POFUT3: variants seen among roughly 807,000 people sequenced by gnomAD.
The protein encoded by POFUT3 is GDP-fucose protein O-fucosyltransferase 3.
the POFUT3 span, among the ~76,000 whole-genome samples, chr8:33,437,763 A>T: frequency 6.6e-6 from 1 of 152,164 alleles, no homozygotes; most frequent in South Asian, 2.1e-4. Flanking sequence ...GTAAGCCAAG[A>T]TCATCCGCTG....
chr8:33,326,111 T>C, the POFUT3 span, among the ~76,000 whole-genome samples: 1 of 152,170 alleles, frequency 6.6e-6, no homozygotes, highest in Admixed American at 6.5e-5. Context: ...AATTACCTCA[T>C]CTTTTCCCCT....
the POFUT3 span, chr8:33,372,872 C>A: frequency 1.4e-6 from 2 of 1,427,654 alleles, no homozygotes; most frequent in Non-Finnish European, 1.9e-6. Context: ...CTTAAAGCAA[C>A]AGACTTTCCT....
the POFUT3 span, among the ~76,000 whole-genome samples, chr8:33,464,069 C>G: frequency 1.3e-5 from 2 of 152,178 alleles, no homozygotes; most frequent in Middle Eastern, 3.2e-3. Flanking sequence ...AGTAGATCCT[C>G]ATGAGGCCTA....
the POFUT3 span, among the ~76,000 whole-genome samples, chr8:33,388,556 C>T: frequency 0.043 from 6,607 of 151,898 alleles, 463 homozygotes; most frequent in African/African-American, 0.15. Context: ...AGGCTGGTCT[C>T]GAACCCCTGG....
the POFUT3 span, among the ~76,000 whole-genome samples, chr8:33,449,045 T>C: frequency 6.6e-6 from 1 of 152,158 alleles, no homozygotes; most frequent in African/African-American, 2.4e-5. Context: ...TGATGTTGTC[T>C]ATCGTGAACT....
chr8:33,363,016 T>C, the POFUT3 span, among the ~76,000 whole-genome samples: 7 of 152,154 alleles, frequency 4.6e-5, no homozygotes, highest in Admixed American at 4.6e-4. Context: ...ACCACATAAT[T>C]GGAAGTAAAG....
the POFUT3 span, among the ~76,000 whole-genome samples, chr8:33,446,356 C>T: frequency 6.6e-6 from 1 of 151,546 alleles, no homozygotes; most frequent in African/African-American, 2.4e-5. Flanking sequence ...ACTCAGGAGG[C>T]TGAGGCACGA....
At chr8:33,461,740 C>A in the POFUT3 span, 1 of 1,097,898 alleles carries the variant, frequency 9.1e-7, no homozygotes, top group Non-Finnish European at 1.2e-6. Context: ...AACAAAAGAT[C>A]ATCTTTTAGC....
chr8:33,336,536 C>T, the POFUT3 span, among the ~76,000 whole-genome samples: 1 of 152,134 alleles, frequency 6.6e-6, no homozygotes, highest in African/African-American at 2.4e-5. Flanking sequence ...GTCTCATAAG[C>T]TAGTAGGAGC....
chr8:33,463,181 T>C, the POFUT3 span, among the ~76,000 whole-genome samples: 1 of 151,926 alleles, frequency 6.6e-6, no homozygotes, highest in African/African-American at 2.4e-5. Flanking sequence ...AAAAATAATA[T>C]AGAATCCTGG....
the POFUT3 span, among the ~76,000 whole-genome samples, chr8:33,409,550 T>C: frequency 1.3e-5 from 2 of 152,230 alleles, no homozygotes; most frequent in Non-Finnish European, 2.9e-5. Context: ...TCTCTGGAAA[T>C]ATCTAAAGAA....
the POFUT3 span, among the ~76,000 whole-genome samples, chr8:33,442,647 T>G: frequency 6.7e-6 from 1 of 149,368 alleles, no homozygotes; most frequent in East Asian, 2.0e-4. Flanking sequence ...TTTTTTGAGA[T>G]GTGGGTCTCT....
At chr8:33,318,416 A>G in the POFUT3 span, among the ~76,000 whole-genome samples, 1 of 146,384 alleles carries the variant, frequency 6.8e-6, no homozygotes, top group African/African-American at 2.5e-5. Flanking sequence ...TTTTATGCAC[A>G]CATACACACA....
At chr8:33,427,303 C>T in the POFUT3 span, among the ~76,000 whole-genome samples, 3 of 152,096 alleles carry the variant, frequency 2.0e-5, no homozygotes, top group Non-Finnish European at 4.4e-5. Context: ...AAGGGCCAGG[C>T]GTGGTGGCTC....
chr8:33,314,242 C>A, the POFUT3 span, among the ~76,000 whole-genome samples: 2 of 152,188 alleles, frequency 1.3e-5, no homozygotes, highest in Non-Finnish European at 2.9e-5. Context: ...TGCCCTGCAG[C>A]CTCTCCAACT....
At chr8:33,406,505 C>T in the POFUT3 span, among the ~76,000 whole-genome samples, 56 of 152,110 alleles carry the variant, frequency 3.7e-4, no homozygotes, top group African/African-American at 1.3e-3. Context: ...GGCAAGATCA[C>T]GGCTCACTGC....
At chr8:33,401,799 G>A in the POFUT3 span, among the ~76,000 whole-genome samples, 4 of 152,158 alleles carry the variant, frequency 2.6e-5, no homozygotes, top group Admixed American at 1.3e-4. Flanking sequence ...AGGCTGAGGC[G>A]GGTGAATCAC....
chr8:33,406,530 A>G, the POFUT3 span, among the ~76,000 whole-genome samples: 1 of 151,974 alleles, frequency 6.6e-6, no homozygotes, highest in Non-Finnish European at 1.5e-5. Flanking sequence ...TTGACCTCCC[A>G]GGCTCAAGCA....
chr8:33,328,639 T>C, the POFUT3 span, among the ~76,000 whole-genome samples: 3 of 152,124 alleles, frequency 2.0e-5, no homozygotes, highest in Non-Finnish European at 4.4e-5. Context: ...GAGTAAGGCC[T>C]GATCTAAAAA....
Sources: allele counts gnomAD v4.1 joint callset (sites outside exome capture counted in the v4.1 genomes callset), GRCh38; gene constraint gnomAD v4.1.1; transcripts MANE v1.5; gene names NCBI Gene and HGNC (gene_info 2026-07-23, HGNC 2026-07-21).